The following TRERF1 variants were observed in gnomAD, a reference collection of about 807,000 sequenced individuals.
The protein encoded by TRERF1 is transcriptional-regulating factor 1.
A neutral mutation model predicts 122.9 loss-of-function variants in TRERF1; 27 were observed. The observed-to-expected ratio is 0.22, with a 90% CI of 0.16 to 0.30. The LOEUF (loss-of-function observed/expected upper bound fraction) is 0.30. TRERF1 is among the 10% of genes least tolerant of loss of function. The pLI, the probability that TRERF1 is intolerant of heterozygous loss-of-function variation, is 1.00. For synonymous variants in TRERF1, 636 were observed against 641.7 expected, an observed-to-expected ratio of 0.99 and a Z score of 0.13; for missense variants, 1,248 against 1,560.3, an observed-to-expected ratio of 0.80 and a Z score of 3.37.
intron 3 of TRERF1, among the ~76,000 whole-genome samples, chr6:42,302,747 G>A (rs1298223450): frequency 2.0e-5 from 3 of 152,242 alleles, no homozygotes; most frequent in Non-Finnish European, 2.9e-5. Flanking sequence ...CTGAATAGCA[G>A]ACCTTACCAA....
At chr6:42,413,577 G>A (rs1319046093) in intron 2 of TRERF1, among the ~76,000 whole-genome samples, 2 of 151,858 alleles carry the variant, frequency 1.3e-5, no homozygotes, top group Non-Finnish European at 2.9e-5. Context: ...CTATAGGTGC[G>A]CGCCACCATG....
chr6:42,315,013 G>A (rs929073630), intron 3 of TRERF1, among the ~76,000 whole-genome samples: 5 of 152,206 alleles, frequency 3.3e-5, no homozygotes, highest in African/African-American at 1.2e-4. Flanking sequence ...AAGATGTGAG[G>A]AGAGAACGTT....
intron 3 of TRERF1, among the ~76,000 whole-genome samples, chr6:42,315,746 G>C (rs935698943): frequency 1.4e-5 from 2 of 142,356 alleles, no homozygotes; most frequent in Non-Finnish European, 3.0e-5. Flanking sequence ...ACGTCATAGT[G>C]AAGTGTCTGA....
At chr6:42,450,843 C>G (rs977306792) in intron 2 of TRERF1, among the ~76,000 whole-genome samples, 2 of 152,154 alleles carry the variant, frequency 1.3e-5, no homozygotes, top group African/African-American at 4.8e-5. Context: ...GTCAAAAACC[C>G]CAAAAGGCAG....
At chr6:42,392,616 C>A (rs1420470290) in intron 2 of TRERF1, among the ~76,000 whole-genome samples, 2 of 152,088 alleles carry the variant, frequency 1.3e-5, no homozygotes, top group Non-Finnish European at 2.9e-5. Flanking sequence ...TACTATGGGT[C>A]CCTCAGAGCA....
chr6:42,429,577 T>TA (rs965467278), intron 2 of TRERF1, among the ~76,000 whole-genome samples: 4 of 151,776 alleles, frequency 2.6e-5, no homozygotes, highest in Admixed American at 6.6e-5. Context: ...AAATCTTAAT[T>TA]AAAAAAAATT....
chr6:42,420,594 A>G (rs1441643643), intron 2 of TRERF1, among the ~76,000 whole-genome samples: 1 of 152,244 alleles, frequency 6.6e-6, no homozygotes, highest in Non-Finnish European at 1.5e-5. Flanking sequence ...GAATCAGAAA[A>G]CATTTTATTT....
intron 2 of TRERF1, among the ~76,000 whole-genome samples, chr6:42,448,643 G>C (rs1787958040): frequency 6.6e-6 from 1 of 152,154 alleles, no homozygotes; most frequent in Non-Finnish European, 1.5e-5. Context: ...AGCCGGAAGG[G>C]AACTCACGGA....
chr6:42,272,341 G>T (rs981079738), intron 4 of TRERF1, among the ~76,000 whole-genome samples: 1 of 152,150 alleles, frequency 6.6e-6, no homozygotes, highest in Non-Finnish European at 1.5e-5. Context: ...AAGGGTGGAG[G>T]AAGGCGAGCC....
chr6:42,377,898 C>T (rs537727640), intron 2 of TRERF1, among the ~76,000 whole-genome samples: 4 of 152,272 alleles, frequency 2.6e-5, no homozygotes, highest in South Asian at 2.1e-4. Flanking sequence ...ACATGCAGCC[C>T]GTGCGGTCTC....
intron 2 of TRERF1, among the ~76,000 whole-genome samples, chr6:42,440,059 T>A (rs2151762384): frequency 6.6e-6 from 1 of 152,280 alleles, no homozygotes; most frequent in Non-Finnish European, 1.5e-5. Flanking sequence ...CCACCCACCG[T>A]GGCCTGGCAG....
chr6:42,289,218 C>T (rs1783845578), intron 4 of TRERF1, among the ~76,000 whole-genome samples: 2 of 151,996 alleles, frequency 1.3e-5, no homozygotes, highest in African/African-American at 4.8e-5. Context: ...TCCAGCTACT[C>T]AGGAGGCTGA....
At chr6:42,341,459 T>C (rs1016539772) in intron 3 of TRERF1, among the ~76,000 whole-genome samples, 1 of 152,240 alleles carries the variant, frequency 6.6e-6, no homozygotes, top group African/African-American at 2.4e-5. Context: ...ATTTTCATTC[T>C]GCCGAGGATC....
chr6:42,324,983 A>C (rs1764039279), intron 3 of TRERF1, among the ~76,000 whole-genome samples: 1 of 152,218 alleles, frequency 6.6e-6, no homozygotes, highest in Non-Finnish European at 1.5e-5. Context: ...GAATGGGAGA[A>C]AATGTTTGCA....
chr6:42,388,926 T>C (rs1777247950), intron 2 of TRERF1, among the ~76,000 whole-genome samples: 1 of 151,884 alleles, frequency 6.6e-6, no homozygotes, highest in African/African-American at 2.4e-5. Context: ...TGGGCCCCAG[T>C]GTGGATCAGT....
rs777538278 is a variant in TRERF1, at chr6:42,269,611, A to C, written c.-21T>G. The C allele has an allele frequency of 8.1e-6, 13 of 1,604,068 alleles. No homozygotes were observed. The highest frequency in any genetic ancestry group is 3.4e-4 in the Middle Eastern group (2 of 5,908). On this transcript the variant is annotated 5_prime_UTR_variant, in exon 5 of 18. Coordinates refer to ENST00000372922, the Ensembl canonical transcript of TRERF1. The surrounding 1 kb of genome is among the most constrained non-coding windows in gnomAD (Gnocchi z 4.9). ...CCCATGCTGTCTGCCTTGGTTGTGA[A>C]CGTCCAGCCACAAAACCATAAAAAA...
At chr6:42,409,723 T>A (rs1396999127) in intron 2 of TRERF1, among the ~76,000 whole-genome samples, 1 of 152,248 alleles carries the variant, frequency 6.6e-6, no homozygotes, top group East Asian at 1.9e-4. Flanking sequence ...TATATTGTTA[T>A]GACAAGCATC....
At chr6:42,249,520 C>T (rs1775379540) in intron 13 of TRERF1, among the ~76,000 whole-genome samples, 1 of 152,178 alleles carries the variant, frequency 6.6e-6, no homozygotes, top group Admixed American at 6.5e-5. Flanking sequence ...CCCCAAACCT[C>T]GTGGGGGAAG....
At chr6:42,443,255 T>C (rs1329489299) in intron 2 of TRERF1, among the ~76,000 whole-genome samples, 1 of 152,248 alleles carries the variant, frequency 6.6e-6, no homozygotes, top group Non-Finnish European at 1.5e-5. Flanking sequence ...AGAGAGTTCA[T>C]TATACTAGCC....
Sources: allele counts gnomAD v4.1 joint callset (sites outside exome capture counted in the v4.1 genomes callset), GRCh38; gene constraint gnomAD v4.1.1; non-coding constraint Gnocchi (gnomAD v3.1); transcripts MANE v1.5; gene names NCBI Gene and HGNC (gene_info 2026-07-23, HGNC 2026-07-21).